Variants in PPP2R2B observed in about 807,000 individuals in gnomAD.
PPP2R2B encodes the protein serine/threonine-protein phosphatase 2A 55 kDa regulatory subunit B beta isoform.
A neutral mutation model predicts 46.0 loss-of-function variants in PPP2R2B; 5 were observed. The observed-to-expected ratio is 0.11, with a 90% CI of 0.06 to 0.23. The LOEUF (loss-of-function observed/expected upper bound fraction) is 0.23, where lower values mean the gene tolerates loss of function less well. Among genes scored for constraint, PPP2R2B ranks in the 10% least tolerant of loss-of-function variants. PPP2R2B has a pLI of 1.00. For synonymous variants in PPP2R2B, 215 were observed against 206.7 expected (o/e 1.04, Z -0.34); for missense variants, 367 against 575.0 (o/e 0.64, Z 3.70).
At chr5:146,592,296 T>G (rs1024159517) in intron 9 of PPP2R2B, 2 of 219,574 alleles carry the variant, frequency 9.1e-6, no homozygotes, top group Admixed American at 5.3e-5. Flanking sequence ...CTTGAATCTC[T>G]GAATGTCTTG....
Position 146,941,741 on chromosome 5 carries a change from G to A in PPP2R2B, c.79+113924C>T, listed in dbSNP as rs542703830. Among the ~76,000 whole-genome samples the A allele has an allele frequency of 5.3e-5, 8 of 152,256 alleles. 1 individual carries two copies. The South Asian group carries it at 1.7e-3, about 32-fold the overall frequency. ...AATGAAGAGACTTTTTATTGCATCTGTATAGTAAATGAAATTTCCTCCCCA... is the reference window on the plus strand; with the variant it reads ...AATGAAGAGACTTTTTATTGCATCTATATAGTAAATGAAATTTCCTCCCCA... On this transcript the variant is annotated intron_variant, in intron 1 of 8. Coordinates refer to the PPP2R2B transcript ENST00000336640.
intron 1 of PPP2R2B, among the ~76,000 whole-genome samples, chr5:147,030,635 A>G (rs1490077509): frequency 6.6e-6 from 1 of 152,144 alleles, no homozygotes; most frequent in Non-Finnish European, 1.5e-5. Flanking sequence ...GAATTATTTT[A>G]CCATTTAAAA....
chr5:146,846,522 A>G (rs903731229), intron 2 of PPP2R2B, among the ~76,000 whole-genome samples: 1 of 151,556 alleles, frequency 6.6e-6, no homozygotes, highest in South Asian at 2.1e-4. Flanking sequence ...TACTAAAAAT[A>G]CAAAAATCAG....
Position 146,711,781 on chromosome 5 carries a change from A to G in PPP2R2B, c.71-10639T>C, listed in dbSNP as rs974453923. 2.0e-5 allele frequency among the ~76,000 whole-genome samples: 3 copies of G among 152,224 alleles called. No homozygotes were observed. The East Asian group carries it at 5.8e-4, about 29-fold the overall frequency. The stretch of plus-strand genomic sequence containing the variant: ...ACTTGCCCTTGTGAAACTCTCAGTT[A>G]GAGGACTGGGAGGTAATGGGAGGTT... On this transcript the variant is annotated intron_variant, in intron 2 of 9. Coordinates refer to ENST00000394411, the MANE Select transcript of PPP2R2B (RefSeq NM_181675.4).
At chr5:146,663,401 C>T (rs540530051) in intron 5 of PPP2R2B, among the ~76,000 whole-genome samples, 1 of 152,326 alleles carries the variant, frequency 6.6e-6, no homozygotes, top group Admixed American at 6.5e-5. Context: ...CTGGAAGTAG[C>T]TGTTAAAATA....
At position 146,878,239 on chromosome 5, in the gene PPP2R2B, C is replaced by G. The variant is rs746129087; in HGVS notation, c.-124-44G>C. 3.1e-5 allele frequency: 47 copies of G among 1,521,834 alleles called. No homozygotes were observed. Among genetic ancestry groups the G allele is most frequent in the Admixed American group, 1.1e-4 (5 of 47,414 alleles). The allele number at this position is 1,521,834 out of a possible 1,614,324, so 94.3% of individuals were successfully genotyped here. A position where few individuals can be genotyped will look rare whatever the true frequency, so the allele number is the denominator to read the frequency against. ...GGCGGAGAGAAAAAAAATAAAAACCCGGCAATGGAGCTGTCACCTCCTCCA... is the reference window on the plus strand; with the variant it reads ...GGCGGAGAGAAAAAAAATAAAAACCGGGCAATGGAGCTGTCACCTCCTCCA... On this transcript the variant is annotated intron_variant, in intron 1 of 9. Coordinates refer to ENST00000394411, the MANE Select transcript of PPP2R2B (RefSeq NM_181675.4). The surrounding 1 kb of genome is among the most constrained non-coding windows in gnomAD (Gnocchi z 4.5).
chr5:146,879,082 A>G (rs1222725206), upstream of PPP2R2B: 2 of 259,226 alleles, frequency 7.7e-6, no homozygotes, highest in South Asian at 7.2e-5. Flanking sequence ...AAAGAGAAGT[A>G]GGTTCCTTTG....
intron 1 of PPP2R2B, among the ~76,000 whole-genome samples, chr5:146,942,766 A>T (rs921107162): frequency 2.7e-5 from 4 of 150,764 alleles, no homozygotes; most frequent in African/African-American, 7.3e-5. Context: ...AAATCATGGC[A>T]TTTCTTTATT....
At chr5:147,017,902 A>G (rs1485458147) in intron 1 of PPP2R2B, among the ~76,000 whole-genome samples, 2 of 152,144 alleles carry the variant, frequency 1.3e-5, no homozygotes, top group African/African-American at 4.8e-5. Flanking sequence ...CAAGCTGGAA[A>G]GGTAAAGCAA....
intron 2 of PPP2R2B, among the ~76,000 whole-genome samples, chr5:146,854,774 C>T (rs1179875329): frequency 6.6e-6 from 1 of 152,134 alleles, no homozygotes; most frequent in East Asian, 1.9e-4. Flanking sequence ...TGGAGAAGGG[C>T]ACTGTCTTTG....
intron 4 of PPP2R2B, among the ~76,000 whole-genome samples, chr5:146,692,445 T>C (rs891752835): frequency 6.6e-6 from 1 of 151,578 alleles, no homozygotes; most frequent in Admixed American, 6.6e-5. Context: ...ACACCTGTCA[T>C]GCAGGCCAAG....
intron 5 of PPP2R2B, among the ~76,000 whole-genome samples, chr5:146,677,099 C>T (rs961452204): frequency 1.2e-4 from 19 of 152,170 alleles, no homozygotes; most frequent in African/African-American, 4.3e-4. Flanking sequence ...TCATAGGATG[C>T]TTTTCTTAGA....
chr5:146,676,953 A>G (rs1415362427), intron 5 of PPP2R2B, among the ~76,000 whole-genome samples: 1 of 152,058 alleles, frequency 6.6e-6, no homozygotes, highest in Non-Finnish European at 1.5e-5. Flanking sequence ...TGCGTAAAGG[A>G]TTTTAGTATG....
At chr5:146,928,278 A>G (rs1197276151) in intron 1 of PPP2R2B, among the ~76,000 whole-genome samples, 1 of 151,666 alleles carries the variant, frequency 6.6e-6, no homozygotes, top group Non-Finnish European at 1.5e-5. Flanking sequence ...GTTTATATAT[A>G]TATTTTTTTA....
At chr5:146,771,220 A>G (rs140819688) in intron 2 of PPP2R2B, among the ~76,000 whole-genome samples, 16 of 152,256 alleles carry the variant, frequency 1.1e-4, no homozygotes, top group African/African-American at 3.9e-4. Context: ...GGCCAAGAAG[A>G]CTGAATGAGC....
chr5:147,056,622 C>T (rs188999657), upstream of PPP2R2B, among the ~76,000 whole-genome samples: 24 of 152,220 alleles, frequency 1.6e-4, no homozygotes, highest in African/African-American at 5.8e-4. Context: ...TAAGTTGATA[C>T]AAGGATTACA....
At chr5:146,822,997 T>C (rs1425551948) in intron 2 of PPP2R2B, among the ~76,000 whole-genome samples, 1 of 152,128 alleles carries the variant, frequency 6.6e-6, no homozygotes, top group African/African-American at 2.4e-5. Context: ...TTTGTTTTTC[T>C]TTATATTTAA....
intron 2 of PPP2R2B, among the ~76,000 whole-genome samples, chr5:146,730,072 A>G (rs183889919): frequency 2.0e-5 from 3 of 152,334 alleles, no homozygotes; most frequent in African/African-American, 4.8e-5. Flanking sequence ...GAGGGAGGCT[A>G]TACCCTGCAA....
intron 1 of PPP2R2B, among the ~76,000 whole-genome samples, chr5:147,022,514 C>A (rs936609648): frequency 6.6e-6 from 1 of 151,540 alleles, no homozygotes; most frequent in African/African-American, 2.4e-5. Flanking sequence ...GAGCCAAGAT[C>A]ATGCCACTGC....
Sources: gnomAD v4.1 joint callset for allele counts (sites outside exome capture counted in the v4.1 genomes callset) on GRCh38, gnomAD v4.1.1 for gene constraint, Gnocchi (gnomAD v3.1) non-coding constraint, MANE v1.5 for transcripts, NCBI Gene and HGNC (gene_info 2026-07-23, HGNC 2026-07-21) for gene names.